INTS7: variants seen among roughly 807,000 people sequenced by gnomAD.
INTS7 encodes integrator complex subunit 7, also known as chromosome 1 open reading frame 73.
INTS7 carries 46 observed loss-of-function variants against 109.2 expected under a neutral mutation model. The ratio of observed to expected loss-of-function variants is 0.42; its 90% confidence interval spans 0.33 to 0.54. The LOEUF (loss-of-function observed/expected upper bound fraction) is 0.54, where lower values mean the gene tolerates loss of function less well. Among genes scored for constraint, INTS7 ranks in the 20% least tolerant of loss-of-function variants. INTS7 has a pLI of 0.07. For missense variants in INTS7, 929 were observed against 1,132.4 expected (o/e 0.82, Z 2.58); for synonymous variants, 412 against 402.9 (o/e 1.02, Z -0.27).
chr1:212,014,985 C>T (rs1331837715), intron 4 of INTS7, among the ~76,000 whole-genome samples: 1 of 150,032 alleles, frequency 6.7e-6, no homozygotes, highest in Non-Finnish European at 1.5e-5. Context: ...GCGTCTCTAA[C>T]CGGCCACCCC....
rs942026796 is a variant in INTS7 at position 211,964,335 on chromosome 1, G to A, written c.2183+2095C>T. Among the ~76,000 whole-genome samples, 11 of 152,012 alleles carry A rather than the reference G, an allele frequency of 7.2e-5. No individual in the cohort carries two copies. In the South Asian group the frequency reaches 1.2e-3, roughly 17 times the overall value. ...GAAATCAAAGATAACACAAACAAAC[G>A]GAAAAACATTCCATGCTCATGAATA... On this transcript the variant is annotated intron_variant, in intron 16 of 19. Coordinates refer to ENST00000366994, the MANE Select transcript of INTS7 (RefSeq NM_015434.4).
intron 1 of INTS7, among the ~76,000 whole-genome samples, chr1:212,024,202 T>C (rs1439599679): frequency 2.0e-5 from 3 of 152,162 alleles, no homozygotes; most frequent in African/African-American, 7.2e-5. Flanking sequence ...CTTTTTTGGT[T>C]CCATATGAAT....
intron 7 of INTS7, among the ~76,000 whole-genome samples, chr1:211,994,013 C>G (rs1014615666): frequency 6.6e-6 from 1 of 151,894 alleles, no homozygotes; most frequent in African/African-American, 2.4e-5. Context: ...GAAATGGACA[C>G]AATGTGAACC....
At position 212,011,308 on chromosome 1, in the gene INTS7, A is replaced by C. The variant is rs576328988; in HGVS notation, c.556+67T>G. 2.0e-5 allele frequency: 16 copies of C among 804,706 alleles called. No homozygotes were observed. The East Asian group carries it at 4.1e-4, about 20-fold the overall frequency. 49.8% of individuals were successfully genotyped at this position (804,706 alleles called of 1,614,324 possible). A position where few individuals can be genotyped will look rare whatever the true frequency, so the allele number is the denominator to read the frequency against. On this transcript the variant is annotated intron_variant, in intron 5 of 19. Coordinates refer to ENST00000366994, the MANE Select transcript of INTS7 (RefSeq NM_015434.4). ...GGTGACTAGCAAATAATAAGTACTT[A>C]ATTAGTGTTAGCAACTATTATAAAT...
chr1:211,957,417 A>G (rs1418612746), intron 16 of INTS7, among the ~76,000 whole-genome samples: 1 of 152,064 alleles, frequency 6.6e-6, no homozygotes, highest in Non-Finnish European at 1.5e-5. Flanking sequence ...ATGGTGACGC[A>G]TGTCTGTAAT....
At position 211,946,152 on chromosome 1, in the gene INTS7, A is replaced by G. The variant is rs1472997824; in HGVS notation, c.2415+455T>C. On this transcript the variant is annotated intron_variant, in intron 18 of 19. Coordinates refer to ENST00000366994, the MANE Select transcript of INTS7 (RefSeq NM_015434.4). The surrounding 1 kb of genome is among the most constrained non-coding windows in gnomAD (Gnocchi z 4.3). ...TTCATTTCTTTCACCAAACCACTTG[A>G]TAAAGGAGAGAAATGGCTTACAACT... 6.6e-6 allele frequency among the ~76,000 whole-genome samples: 1 copy of G among 152,230 alleles called. No individual in the cohort carries two copies. Among genetic ancestry groups the G allele is most frequent in the Non-Finnish European group, 1.5e-5 (1 of 68,046 alleles).
intron 1 of INTS7, chr1:212,025,523 A>T (rs1284355764): frequency 6.6e-6 from 1 of 152,318 alleles, no homozygotes; most frequent in Non-Finnish European, 1.5e-5. Flanking sequence ...GTTAATATTC[A>T]ATTTTCTAAA....
intron 1 of INTS7, among the ~76,000 whole-genome samples, chr1:212,033,435 T>C (rs1667259369): frequency 6.6e-6 from 1 of 152,226 alleles, no homozygotes. Flanking sequence ...CAGGCATTGC[T>C]GGGAGGAGTG....
At chr1:211,994,549 G>A (rs1665291478) in intron 7 of INTS7, among the ~76,000 whole-genome samples, 1 of 150,296 alleles carries the variant, frequency 6.7e-6, no homozygotes. Flanking sequence ...TCGGCCTCCT[G>A]AGTAGCTGGG....
At chr1:211,965,311 G>A (rs1353539058) in intron 16 of INTS7, among the ~76,000 whole-genome samples, 1 of 152,166 alleles carries the variant, frequency 6.6e-6, no homozygotes, top group Non-Finnish European at 1.5e-5. Flanking sequence ...AAGTTGGTGA[G>A]GTTGCAGAGA....
chr1:211,984,811 T>C lies in INTS7; in HGVS notation c.998-2001A>G, dbSNP rs184838591. Among the ~76,000 whole-genome samples the C allele has an allele frequency of 1.1e-3, 168 of 151,976 alleles. 1 individual carries two copies. Among genetic ancestry groups the C allele is most frequent in the African/African-American group, 3.9e-3 (162 of 41,360 alleles). The stretch of plus-strand genomic sequence containing the variant: ...TTTCCTTTTCACATACTGTTTTCCA[T>C]CTTGTTTTATTTCTCTTTAAATATT... On this transcript the variant is annotated intron_variant, in intron 8 of 19. Transcript: ENST00000366994.
chr1:212,005,681 A>G (rs1350295793), intron 7 of INTS7, among the ~76,000 whole-genome samples: 2 of 152,194 alleles, frequency 1.3e-5, no homozygotes, highest in Non-Finnish European at 2.9e-5. Context: ...TCTTGGAAAG[A>G]TAGCATTATT....
chr1:211,988,933 G>T (rs990371865), intron 7 of INTS7, among the ~76,000 whole-genome samples: 1 of 152,118 alleles, frequency 6.6e-6, no homozygotes, highest in Non-Finnish European at 1.5e-5. Context: ...AGTGAACTAT[G>T]AATACATAAT....
At chr1:211,981,795 T>C (rs746924671) in intron 9 of INTS7, among the ~76,000 whole-genome samples, 1 of 152,180 alleles carries the variant, frequency 6.6e-6, no homozygotes, top group Non-Finnish European at 1.5e-5. Context: ...TTAGTTACCT[T>C]TAGGTTAATA....
chr1:211,992,301 C>A (rs112921004), intron 7 of INTS7, among the ~76,000 whole-genome samples: 3 of 151,864 alleles, frequency 2.0e-5, no homozygotes, highest in African/African-American at 7.2e-5. Context: ...TGGTAATAAA[C>A]TAGGTGAGAG....
intron 16 of INTS7, among the ~76,000 whole-genome samples, chr1:211,953,587 TCTC>T (rs1315057633): frequency 7.5e-6 from 1 of 134,098 alleles, no homozygotes; most frequent in Non-Finnish European, 1.6e-5. Context: ...AGTGTGATGT[TCTC>T]CTTCCTGTGT....
intron 4 of INTS7, among the ~76,000 whole-genome samples, chr1:212,012,989 G>C (rs912328089): frequency 1.3e-5 from 2 of 152,216 alleles, no homozygotes; most frequent in African/African-American, 2.4e-5. Context: ...CACCTTGGCA[G>C]TGGTAATCAG....
At chr1:211,960,299 AC>A (rs1220611012) in intron 16 of INTS7, among the ~76,000 whole-genome samples, 2 of 152,072 alleles carry the variant, frequency 1.3e-5, no homozygotes, top group African/African-American at 2.4e-5. Context: ...AAAAAAAAAA[AC>A]ATGCAAAGGA....
At chr1:211,960,256 A>G (rs1435624636) in intron 16 of INTS7, among the ~76,000 whole-genome samples, 1 of 151,936 alleles carries the variant, frequency 6.6e-6, no homozygotes, top group East Asian at 1.9e-4. Context: ...ACCTTATACC[A>G]CAATCAAACT....
Sources: gnomAD v4.1 joint callset for allele counts (sites outside exome capture counted in the v4.1 genomes callset) on GRCh38, gnomAD v4.1.1 for gene constraint, Gnocchi (gnomAD v3.1) non-coding constraint, MANE v1.5 for transcripts, NCBI Gene and HGNC (gene_info 2026-07-23, HGNC 2026-07-21) for gene names.